NEBL: variants seen among roughly 807,000 people sequenced by gnomAD.
NEBL encodes the protein LIM and SH3 protein 2.
NEBL carries 122 observed loss-of-function variants against 140.2 expected under a neutral mutation model. That is an observed-to-expected ratio of 0.87 (90% CI 0.75 to 1.01). The LOEUF (loss-of-function observed/expected upper bound fraction) is 1.01. NEBL is among the 50% of genes least tolerant of loss of function. The pLI, the probability that NEBL is intolerant of heterozygous loss-of-function variation, is 0.00. For synonymous variants in NEBL, 436 were observed against 398.9 expected (o/e 1.09, Z -1.11); for missense variants, 1,365 against 1,231.3 (o/e 1.11, Z -1.62).
chr10:21,042,036 T>C (rs1435901361), intron 2 of NEBL, among the ~76,000 whole-genome samples: 1 of 152,200 alleles, frequency 6.6e-6, no homozygotes, highest in Non-Finnish European at 1.5e-5. Flanking sequence ...CACGTCCTGT[T>C]TTATCAGCAG....
chr10:21,057,463 G>T (rs7078477), intron 2 of NEBL, among the ~76,000 whole-genome samples: 1 of 149,736 alleles, frequency 6.7e-6, no homozygotes, highest in Non-Finnish European at 1.5e-5. Flanking sequence ...GTCACTAGAG[G>T]TAAAGGTTAC....
At chr10:21,179,195 A>T (rs1343435947), upstream of NEBL, among the ~76,000 whole-genome samples, 1 of 152,166 alleles carries the variant, frequency 6.6e-6, no homozygotes, top group Non-Finnish European at 1.5e-5. Context: ...CCTTAATCAC[A>T]GGGTCAGCCT....
chr10:21,273,473 C>T (rs1208536995), intron 1 of NEBL, among the ~76,000 whole-genome samples: 1 of 152,184 alleles, frequency 6.6e-6, no homozygotes, highest in Non-Finnish European at 1.5e-5. Flanking sequence ...GGCTAAGCAT[C>T]ACAGGGCTGG....
chr10:20,958,324 A>G (rs956364771), intron 4 of NEBL, among the ~76,000 whole-genome samples: 2 of 152,220 alleles, frequency 1.3e-5, no homozygotes, highest in Non-Finnish European at 2.9e-5. Context: ...GTTTGGGGGC[A>G]AGGAGAGGGT....
chr10:20,918,091 A>G (rs1444021623), intron 4 of NEBL, among the ~76,000 whole-genome samples: 2 of 152,048 alleles, frequency 1.3e-5, no homozygotes, highest in African/African-American at 4.8e-5. Context: ...AGGTGCAGTG[A>G]CTCATGCCTG....
At chr10:20,851,598 A>ACCC (rs1842525184) in intron 10 of NEBL, among the ~76,000 whole-genome samples, 1 of 147,078 alleles carries the variant, frequency 6.8e-6, no homozygotes, top group Admixed American at 6.9e-5. Flanking sequence ...ATATAGTGAA[A>ACCC]CCCCGTCTTT....
chr10:21,227,736 T>C (rs1215049302), intron 3 of NEBL, among the ~76,000 whole-genome samples: 1 of 135,564 alleles, frequency 7.4e-6, no homozygotes, highest in Admixed American at 7.1e-5. Flanking sequence ...CTTCTTCTTC[T>C]TCTTCTTCTT....
At position 21,204,136 on chromosome 10, in the gene NEBL, C is replaced by T. The variant is rs375622043; in HGVS notation, n.349-31659G>A. On this transcript the variant is annotated intron_variant and non_coding_transcript_variant, in intron 3 of 8. Transcript: ENST00000675702. Reference sequence around the variant, plus strand: ...GTAGGGGTCTTCAATGAACAGGTTACCCCTGTGAGCACCTGAACTTCAGTC... The same window carrying T: ...GTAGGGGTCTTCAATGAACAGGTTATCCCTGTGAGCACCTGAACTTCAGTC... 1.3e-3 allele frequency among the ~76,000 whole-genome samples: 200 copies of T among 152,260 alleles called. 4 individuals are homozygous for T. In the South Asian group the frequency reaches 0.034, roughly 26 times the overall value.
Position 21,196,172 on chromosome 10 carries a change from T to A in NEBL, n.349-23695A>T, listed in dbSNP as rs986094238. On this transcript the variant is annotated intron_variant and non_coding_transcript_variant, in intron 3 of 8. Transcript: ENST00000675702. Reference sequence around the variant, plus strand: ...GCACGCACCACCATGCCTGGCTAATTTTTGTATTTTTAGTAGAGACAGGGT... The same window carrying A: ...GCACGCACCACCATGCCTGGCTAATATTTGTATTTTTAGTAGAGACAGGGT... Among the ~76,000 whole-genome samples, 8 of 151,442 alleles carry A rather than the reference T, an allele frequency of 5.3e-5. 1 individual carries two copies. Among genetic ancestry groups the A allele is most frequent in the African/African-American group, 1.9e-4 (8 of 41,298 alleles).
intron 2 of NEBL, among the ~76,000 whole-genome samples, chr10:21,147,160 T>G (rs995468479): frequency 6.6e-6 from 1 of 152,136 alleles, no homozygotes; most frequent in Non-Finnish European, 1.5e-5. Flanking sequence ...CGTTTAGGAC[T>G]ACATCCACGC....
intron 3 of NEBL, among the ~76,000 whole-genome samples, chr10:20,997,202 A>G (rs1055351517): frequency 1.3e-5 from 2 of 151,976 alleles, no homozygotes; most frequent in Non-Finnish European, 2.9e-5. Context: ...CACTCACTCA[A>G]TCCTTTGTTC....
At chr10:20,813,064 T>C (rs1185831500) in intron 23 of NEBL, 124 bp from the exon 24 acceptor site, 5 of 788,478 alleles carry the variant, frequency 6.3e-6, no homozygotes, top group South Asian at 1.5e-5. Context: ...ATGTATCTTT[T>C]CCAAATACTC....
intron 3 of NEBL, among the ~76,000 whole-genome samples, chr10:21,001,369 G>A (rs529317571): frequency 6.6e-6 from 1 of 152,230 alleles, no homozygotes; most frequent in South Asian, 2.1e-4. Flanking sequence ...CCAGGGAGGT[G>A]GAACACAGCC....
chr10:20,826,178 A>G (rs1030521799), intron 18 of NEBL, among the ~76,000 whole-genome samples: 1 of 152,166 alleles, frequency 6.6e-6, no homozygotes, highest in East Asian at 1.9e-4. Context: ...ATTCTCTTCA[A>G]AGAGATGAAA....
chr10:20,885,587 G>A (rs1013770865), intron 4 of NEBL, among the ~76,000 whole-genome samples: 7 of 152,148 alleles, frequency 4.6e-5, no homozygotes, highest in African/African-American at 1.7e-4. Flanking sequence ...TATGTTGCAG[G>A]GATTTGTGTA....
At chr10:21,046,320 C>T (rs1834512018) in intron 2 of NEBL, among the ~76,000 whole-genome samples, 2 of 152,110 alleles carry the variant, frequency 1.3e-5, no homozygotes, top group Admixed American at 1.3e-4. Context: ...ATGATGACTA[C>T]AGTTAATAAC....
chr10:21,073,237 C>T (rs928633013), intron 2 of NEBL, among the ~76,000 whole-genome samples: 2 of 151,702 alleles, frequency 1.3e-5, no homozygotes, highest in East Asian at 3.9e-4. Flanking sequence ...GCAGGGGGAT[C>T]GGTTGAGCCC....
At chr10:21,285,491 C>T (rs1205131700) in intron 1 of NEBL, among the ~76,000 whole-genome samples, 1 of 152,216 alleles carries the variant, frequency 6.6e-6, no homozygotes, top group Admixed American at 6.5e-5. Flanking sequence ...CAGACCGAAT[C>T]AGAGTGCTTC....
intron 4 of NEBL, among the ~76,000 whole-genome samples, chr10:20,929,929 T>A (rs895734470): frequency 6.6e-6 from 1 of 151,972 alleles, no homozygotes; most frequent in African/African-American, 2.4e-5. Context: ...AAAATAAAAA[T>A]AAAAAAATTG....
Sources: allele counts gnomAD v4.1 joint callset (sites outside exome capture counted in the v4.1 genomes callset), GRCh38; gene constraint gnomAD v4.1.1; transcripts MANE v1.5; gene names NCBI Gene and HGNC (gene_info 2026-07-23, HGNC 2026-07-21).